The following SRPK2 variants were observed in gnomAD, a reference collection of about 807,000 sequenced individuals.
SRPK2 encodes the protein SFRS protein kinase 2.
SRPK2 carries 21 observed loss-of-function variants against 90.8 expected under a neutral mutation model. The ratio of observed to expected loss-of-function variants is 0.23; its 90% confidence interval spans 0.16 to 0.33. The LOEUF (loss-of-function observed/expected upper bound fraction) is 0.33. Among genes scored for constraint, SRPK2 ranks in the 10% least tolerant of loss-of-function variants. The pLI is 1.00. For missense variants in SRPK2, 620 were observed against 869.0 expected (o/e 0.71, Z 3.60); for synonymous variants, 288 against 311.1 (o/e 0.93, Z 0.78).
intron 2 of SRPK2, among the ~76,000 whole-genome samples, chr7:105,385,970 T>C (rs1821535635): frequency 6.6e-6 from 1 of 152,212 alleles, no homozygotes; most frequent in South Asian, 2.1e-4. Context: ...TCTTTGTGGT[T>C]TTCCCCAAAC....
intron 10 of SRPK2, 130 bp from the exon 11 acceptor site, chr7:105,142,620 T>C: frequency 1.6e-6 from 2 of 1,275,804 alleles, no homozygotes; most frequent in African/African-American, 1.5e-5. Context: ...ACCTCTTGGC[T>C]TTTGGGGTAA....
intron 11 of SRPK2, among the ~76,000 whole-genome samples, chr7:105,138,187 C>G (rs961433802): frequency 2.0e-5 from 3 of 152,220 alleles, no homozygotes; most frequent in African/African-American, 7.2e-5. Context: ...AAAGGTATCA[C>G]TCATTTGTTT....
At chr7:105,174,470 C>T (rs552063260) in intron 3 of SRPK2, among the ~76,000 whole-genome samples, 1 of 152,136 alleles carries the variant, frequency 6.6e-6, no homozygotes, top group East Asian at 1.9e-4. Context: ...AGAATGCTTT[C>T]TCAGCCCTCT....
chr7:105,370,949 T>C (rs369594939), intron 2 of SRPK2, among the ~76,000 whole-genome samples: 3 of 152,190 alleles, frequency 2.0e-5, no homozygotes, highest in Admixed American at 6.6e-5. Flanking sequence ...AGCAAAGCTT[T>C]AACTAGAAAG....
chr7:105,167,496 G>A (rs757216293), intron 5 of SRPK2, 32 bp from the exon 6 acceptor site: 2 of 1,551,576 alleles, frequency 1.3e-6, no homozygotes, highest in African/African-American at 1.4e-5. Flanking sequence ...CAAGAACACA[G>A]GAGTTTGAGA....
chr7:105,352,904 GAA>G (rs57689971), intron 2 of SRPK2, among the ~76,000 whole-genome samples: 1 of 136,840 alleles, frequency 7.3e-6, no homozygotes. Context: ...TATCTCAAAA[GAA>G]AAAAAAAAAA....
intron 2 of SRPK2, among the ~76,000 whole-genome samples, chr7:105,245,192 G>A (rs1801472883): frequency 6.7e-6 from 1 of 150,370 alleles, no homozygotes; most frequent in Non-Finnish European, 1.5e-5. Context: ...ACATGAGACA[G>A]TTAAAGCTCC....
chr7:105,371,382 C>T (rs1255632700), intron 2 of SRPK2, among the ~76,000 whole-genome samples: 2 of 151,764 alleles, frequency 1.3e-5, no homozygotes, highest in Non-Finnish European at 2.9e-5. Context: ...ATTTTTAAAA[C>T]TGTCCCACTG....
At position 105,246,522 on chromosome 7, in the gene SRPK2, A is replaced by G. The variant is rs1179501589; in HGVS notation, c.72-42737T>C. Among the ~76,000 whole-genome samples, 4 of 152,192 alleles carry G rather than the reference A, an allele frequency of 2.6e-5. No homozygotes were observed. The East Asian group carries it at 7.7e-4, about 29-fold the overall frequency. On this transcript the variant is annotated intron_variant, in intron 2 of 15. Transcript: ENST00000393651. Reference sequence around the variant, plus strand: ...TAAATGTGGTAGTCACCAGCCCACAAATGGTATTAACACCATGGAAACAGA... The same window carrying G: ...TAAATGTGGTAGTCACCAGCCCACAGATGGTATTAACACCATGGAAACAGA...
chr7:105,396,162 G>C (rs982156007), intron 1 of SRPK2, among the ~76,000 whole-genome samples: 1 of 151,790 alleles, frequency 6.6e-6, no homozygotes, highest in Non-Finnish European at 1.5e-5. Flanking sequence ...TGATCTGCCT[G>C]CCTCGACCTC....
chr7:105,289,927 C>T (rs1474969254), intron 2 of SRPK2, among the ~76,000 whole-genome samples: 2 of 152,010 alleles, frequency 1.3e-5, no homozygotes, highest in African/African-American at 4.8e-5. Context: ...TATGAATTAG[C>T]TTAATTTCAA....
chr7:105,264,114 A>G (rs1299085228), intron 2 of SRPK2, among the ~76,000 whole-genome samples: 1 of 152,226 alleles, frequency 6.6e-6, no homozygotes, highest in Non-Finnish European at 1.5e-5. Flanking sequence ...CACACATCAT[A>G]AAAGAAAATA....
intron 2 of SRPK2, among the ~76,000 whole-genome samples, chr7:105,387,680 C>T (rs1469517060): frequency 6.6e-6 from 1 of 152,260 alleles, no homozygotes; most frequent in Admixed American, 6.5e-5. Flanking sequence ...GATTCTCGTT[C>T]CCCACAGTAC....
chr7:105,253,065 G>C (rs186872221), intron 2 of SRPK2, among the ~76,000 whole-genome samples: 2 of 152,072 alleles, frequency 1.3e-5, no homozygotes, highest in Admixed American at 6.6e-5. Context: ...TTTAAGTTAG[G>C]ATTTCTTTAA....
intron 11 of SRPK2, among the ~76,000 whole-genome samples, chr7:105,136,839 A>C (rs756052780): frequency 4.6e-5 from 7 of 152,238 alleles, no homozygotes; most frequent in Non-Finnish European, 8.8e-5. Context: ...TTCGTGCAAC[A>C]AATATTTACT....
chr7:105,121,620 C>T (rs1800398103), intron 15 of SRPK2, among the ~76,000 whole-genome samples: 1 of 152,132 alleles, frequency 6.6e-6, no homozygotes, highest in African/African-American at 2.4e-5. Flanking sequence ...CCCAAGAGCC[C>T]CTTAGGCTTC....
intron 6 of SRPK2, among the ~76,000 whole-genome samples, chr7:105,163,043 G>T (rs1451278921): frequency 6.6e-6 from 1 of 152,166 alleles, no homozygotes; most frequent in Non-Finnish European, 1.5e-5. Flanking sequence ...GAAAAAGGAC[G>T]AGGTAACATT....
chr7:105,144,437 C>G (rs1270123628), intron 9 of SRPK2, among the ~76,000 whole-genome samples: 1 of 151,826 alleles, frequency 6.6e-6, no homozygotes. Context: ...GACAGGATTT[C>G]ACCATGTTGG....
intron 2 of SRPK2, among the ~76,000 whole-genome samples, chr7:105,330,260 C>G (rs761289264): frequency 6.6e-6 from 1 of 151,542 alleles, no homozygotes; most frequent in Non-Finnish European, 1.5e-5. Context: ...TGGCGTCAAC[C>G]CAGGAGGTGG....
Sources: gnomAD v4.1 joint callset for allele counts (sites outside exome capture counted in the v4.1 genomes callset) on GRCh38, gnomAD v4.1.1 for gene constraint, MANE v1.5 for transcripts, NCBI Gene and HGNC (gene_info 2026-07-23, HGNC 2026-07-21) for gene names.